CRTC1: variants seen among roughly 807,000 people sequenced by gnomAD.
The protein encoded by CRTC1 is CREB regulated transcription coactivator 1, also known as CREB-regulated transcription coactivator 1.
CRTC1 carries 18 observed loss-of-function variants against 66.1 expected under a neutral mutation model. The ratio of observed to expected loss-of-function variants is 0.27; its 90% CI spans 0.19 to 0.40. The LOEUF (loss-of-function observed/expected upper bound fraction) is 0.40. Ranked by LOEUF, CRTC1 falls within the 10% of genes least tolerant of loss-of-function variation. The pLI is 1.00. For missense variants in CRTC1, 669 were observed against 887.9 expected (o/e 0.75, Z 3.13); for synonymous variants, 416 against 398.8 (o/e 1.04, Z -0.51).
intron 1 of CRTC1, among the ~76,000 whole-genome samples, chr19:18,731,810 C>T (rs549528785): frequency 1.3e-5 from 2 of 152,308 alleles, no homozygotes; most frequent in East Asian, 3.9e-4. Context: ...CTGGCTGCCC[C>T]GGGGGGTGGG....
At chr19:18,721,112 A>AC (rs1031877334) in intron 1 of CRTC1, among the ~76,000 whole-genome samples, 1 of 150,240 alleles carries the variant, frequency 6.7e-6, no homozygotes, top group African/African-American at 2.5e-5. Flanking sequence ...TCATGTGGAC[A>AC]CCTCCTCTCA....
At chr19:18,721,375 G>A (rs146276650) in intron 1 of CRTC1, among the ~76,000 whole-genome samples, 2,534 of 151,514 alleles carry the variant, frequency 0.017, 49 homozygotes, top group Admixed American at 0.04. Flanking sequence ...TTGTATTTTC[G>A]GTAGAGACGG....
chr19:18,756,334 CAAAAA>C lies in CRTC1; in HGVS notation c.624+2766_624+2770del, dbSNP rs56092227. 3.3e-3 allele frequency among the ~76,000 whole-genome samples: 239 copies of C among 73,212 alleles called. 1 individual carries two copies. The highest frequency in any genetic ancestry group is 0.014 in the African/African-American group (226 of 16,070). 48.0% of individuals were successfully genotyped at this position (73,212 alleles called of 152,430 possible). ...GGCACCAAGAGCGAAAACTCCATCTCAAAAAAAAAAAAAAAAAAAAACTCTAGGCT... is the reference window on the plus strand; with the variant it reads ...GGCACCAAGAGCGAAAACTCCATCTCAAAAAAAAAAAAAAAACTCTAGGCT... On this transcript the variant is annotated intron_variant, in intron 6 of 13. Transcript: ENST00000321949.
At position 18,777,060 on chromosome 19, in the gene CRTC1, C is replaced by T. The variant is rs957830353; in HGVS notation, c.1694-111C>T. 26 of 669,390 alleles carry T rather than the reference C, an allele frequency of 3.9e-5. No individual in the cohort carries two copies. Among genetic ancestry groups the T allele is most frequent in the Non-Finnish European group, 6.7e-5 (25 of 375,202 alleles). The allele number at this position is 669,390 out of a possible 1,614,324, so 41.5% of individuals were successfully genotyped here. A position where few individuals can be genotyped will look rare whatever the true frequency, so the allele number is the denominator to read the frequency against. On this transcript the variant is annotated intron_variant, in intron 13 of 13. Coordinates refer to ENST00000321949, the MANE Select transcript of CRTC1 (RefSeq NM_015321.3). This position sits in a 1 kb window ranked among gnomAD's most constrained non-coding sequence, Gnocchi z 5.5. Reference sequence around the variant, plus strand: ...CAGCTGGAATGTCCCCAGACATTGCCAGCATACCCAGGGGACAGAGTCGCC... The same window carrying T: ...CAGCTGGAATGTCCCCAGACATTGCTAGCATACCCAGGGGACAGAGTCGCC...
intron 1 of CRTC1, among the ~76,000 whole-genome samples, chr19:18,719,692 T>C (rs1205179473): frequency 6.6e-6 from 1 of 152,188 alleles, no homozygotes; most frequent in Admixed American, 6.5e-5. Flanking sequence ...CAAAAATCAT[T>C]TGTTCCGCCT....
At chr19:18,734,991 AC>A (rs1312779967) in intron 1 of CRTC1, among the ~76,000 whole-genome samples, 1 of 152,106 alleles carries the variant, frequency 6.6e-6, no homozygotes, top group Non-Finnish European at 1.5e-5. Flanking sequence ...TGCATCCCTT[AC>A]CCCTATGGCG....
chr19:18,745,351 C>T (rs182064558), intron 2 of CRTC1, among the ~76,000 whole-genome samples: 11 of 152,300 alleles, frequency 7.2e-5, no homozygotes, highest in African/African-American at 2.2e-4. Flanking sequence ...AGGTGGGCCC[C>T]GAAACAGTCC....
intron 1 of CRTC1, among the ~76,000 whole-genome samples, chr19:18,729,222 G>A (rs2053830667): frequency 6.7e-6 from 1 of 149,780 alleles, no homozygotes; most frequent in Non-Finnish European, 1.5e-5. Flanking sequence ...TCAGGAGATC[G>A]AGACCATCCT....
At position 18,771,752 on chromosome 19, in the gene CRTC1, C is replaced by T. The variant is rs772740629; in HGVS notation, c.1425+206C>T. Among the ~76,000 whole-genome samples the T allele has an allele frequency of 3.9e-5, 6 of 152,166 alleles. No individual in the cohort carries two copies. The highest frequency in any genetic ancestry group is 7.4e-5 in the Non-Finnish European group (5 of 68,012). On this transcript the variant is annotated intron_variant, in intron 11 of 13. Coordinates refer to ENST00000321949, the MANE Select transcript of CRTC1 (RefSeq NM_015321.3). The surrounding 1 kb of genome is among the most constrained non-coding windows in gnomAD (Gnocchi z 4.6). ...ACCCCACAGGGTCCTTCCCAGGAGC[C>T]GCCAGAGCCTGCCTCTGCTGAACAC...
rs1200892727 is a variant in CRTC1 at position 18,781,578 on chromosome 19, G to A, written c.*4196G>A. 1 of 229,794 alleles carries A rather than the reference G, an allele frequency of 4.4e-6. No homozygotes were observed. The highest frequency in any genetic ancestry group is 8.6e-6 in the Non-Finnish European group (1 of 115,950). The allele number at this position is 229,794 out of a possible 1,614,324, so 14.2% of individuals were successfully genotyped here. On this transcript the variant is annotated 3_prime_UTR_variant, in exon 14 of 14. Transcript: ENST00000321949. Reference sequence around the variant, plus strand: ...CATTCTCCCCCTGGGAGCAGGAGGTGGAGTAAGTTGTACCCCCAGGCCTGG... The same window carrying A: ...CATTCTCCCCCTGGGAGCAGGAGGTAGAGTAAGTTGTACCCCCAGGCCTGG...
chr19:18,736,519 G>T (rs1392433974), intron 1 of CRTC1, among the ~76,000 whole-genome samples: 1 of 152,064 alleles, frequency 6.6e-6, no homozygotes, highest in Non-Finnish European at 1.5e-5. Context: ...GGGAGGGGCT[G>T]TGCAGAGGGC....
chr19:18,749,811 C>T lies in CRTC1; in HGVS notation c.474C>T (p.Ser158=). 4.3e-6 allele frequency: 7 copies of T among 1,614,088 alleles called. No individual in the cohort carries two copies. Among genetic ancestry groups the T allele is most frequent in the Non-Finnish European group, 5.9e-6 (7 of 1,179,980 alleles). The part of the protein sequence containing the change: ...RTNSDSALHQ[S]TMTPTQPESF... ...ATTCTGACTCCGCCCTGCACCAGAG[C>T]ACAATGACGCCCACGCAGCCAGAAT... Residue 158 remains serine, a synonymous_variant, in exon 5 of 14, where the codon AGC becomes AGT. Coordinates refer to ENST00000321949, the MANE Select transcript of CRTC1 (RefSeq NM_015321.3).
intron 1 of CRTC1, among the ~76,000 whole-genome samples, chr19:18,708,153 G>A (rs1439296423): frequency 2.6e-5 from 4 of 152,154 alleles, no homozygotes; most frequent in Non-Finnish European, 5.9e-5. Flanking sequence ...CAGCATATAT[G>A]GGGCCCAGAG....
rs751571766 is a variant in CRTC1 at position 18,771,446 on chromosome 19, C to T, written c.1325C>T (p.Pro442Leu). The T allele has an allele frequency of 2.5e-6, 4 of 1,612,088 alleles. No homozygotes were observed. Among genetic ancestry groups the T allele is most frequent in the East Asian group, 2.2e-5 (1 of 44,746 alleles). The change falls in exon 11 of 14, where the codon CCG becomes CTG. Residue 442 changes from proline to leucine, a missense_variant. Coordinates refer to ENST00000321949, the MANE Select transcript of CRTC1 (RefSeq NM_015321.3). The surrounding 1 kb of genome is among the most constrained non-coding windows in gnomAD (Gnocchi z 4.6). ...CTGATCTGTCTGTCATCGCAGGCGCCGGCTCTGCAGCAGTACCGCACTAGC... is the reference window on the plus strand; with the variant it reads ...CTGATCTGTCTGTCATCGCAGGCGCTGGCTCTGCAGCAGTACCGCACTAGC... ...PSMGIDIASA[P>L]ALQQYRTSAG...
intron 6 of CRTC1, among the ~76,000 whole-genome samples, chr19:18,757,116 C>G (rs182984217): frequency 6.6e-6 from 1 of 152,288 alleles, no homozygotes; most frequent in East Asian, 1.9e-4. Context: ...CCTTTTTCAT[C>G]TGATAATCCT....
chr19:18,729,264 A>T (rs2054125610), intron 1 of CRTC1, among the ~76,000 whole-genome samples: 1 of 150,790 alleles, frequency 6.6e-6, no homozygotes, highest in Non-Finnish European at 1.5e-5. Flanking sequence ...TCTCTACTAA[A>T]AATACAAAAA....
intron 1 of CRTC1, among the ~76,000 whole-genome samples, chr19:18,690,359 C>A (rs775290154): frequency 1.7e-4 from 26 of 152,170 alleles, no homozygotes; most frequent in Non-Finnish European, 2.9e-4. Flanking sequence ...CCCCCCAGTC[C>A]TGGCTTTGGC....
chr19:18,752,914 A>G (rs1054957146), intron 5 of CRTC1, among the ~76,000 whole-genome samples: 5 of 151,712 alleles, frequency 3.3e-5, no homozygotes, highest in African/African-American at 1.2e-4. Context: ...CTGGGATTAC[A>G]GGCGTGAGCC....
At chr19:18,712,058 A>G (rs577715050) in intron 1 of CRTC1, among the ~76,000 whole-genome samples, 1 of 151,912 alleles carries the variant, frequency 6.6e-6, no homozygotes, top group South Asian at 2.1e-4. Context: ...CTATCACCTC[A>G]GCCTCCCAAG....
Sources: allele counts gnomAD v4.1 joint callset (sites outside exome capture counted in the v4.1 genomes callset), GRCh38; gene constraint gnomAD v4.1.1; non-coding constraint Gnocchi (gnomAD v3.1); transcripts MANE v1.5; gene names NCBI Gene and HGNC (gene_info 2026-07-23, HGNC 2026-07-21).